The following TRPS1 variants were observed in gnomAD, a reference collection of about 807,000 sequenced individuals.
The protein encoded by TRPS1 is zinc finger transcription factor Trps1.
A neutral mutation model predicts 101.2 loss-of-function variants in TRPS1; 6 were observed. The ratio of observed to expected loss-of-function variants is 0.06; its 90% confidence interval spans 0.03 to 0.12. The LOEUF (loss-of-function observed/expected upper bound fraction) is 0.12, where lower values mean the gene tolerates loss of function less well. Ranked by LOEUF, TRPS1 falls within the 10% of genes least tolerant of loss-of-function variation. TRPS1 has a pLI of 1.00. For synonymous variants in TRPS1, 578 were observed against 589.8 expected (o/e 0.98, Z 0.29); for missense variants, 1,363 against 1,567.0 (o/e 0.87, Z 2.20).
At chr8:115,564,662 G>C (rs963891242) in intron 5 of TRPS1, among the ~76,000 whole-genome samples, 1 of 152,060 alleles carries the variant, frequency 6.6e-6, no homozygotes, top group Non-Finnish European at 1.5e-5. Flanking sequence ...TTTCTTTCCA[G>C]TTTCTGTTGC....
intron 5 of TRPS1, among the ~76,000 whole-genome samples, chr8:115,476,967 C>A (rs1411183530): frequency 1.1e-4 from 17 of 152,148 alleles, no homozygotes; most frequent in African/African-American, 4.1e-4. Context: ...ATAATTATAG[C>A]CATTATCTAA....
At chr8:115,423,143 CT>C (rs1813108970) in intron 5 of TRPS1, among the ~76,000 whole-genome samples, 1 of 152,200 alleles carries the variant, frequency 6.6e-6, no homozygotes, top group Non-Finnish European at 1.5e-5. Flanking sequence ...AAACCCAAAG[CT>C]ACATGAGGCA....
At chr8:115,540,367 T>C (rs1326670361) in intron 5 of TRPS1, among the ~76,000 whole-genome samples, 1 of 152,212 alleles carries the variant, frequency 6.6e-6, no homozygotes, top group Non-Finnish European at 1.5e-5. Flanking sequence ...GATGGATGAC[T>C]GGTGGTTGGT....
intron 5 of TRPS1, among the ~76,000 whole-genome samples, chr8:115,467,068 AT>A (rs1814340405): frequency 2.0e-5 from 3 of 152,050 alleles, no homozygotes. Flanking sequence ...CAAGGTTTGA[AT>A]TTTCTTAAAG....
At chr8:115,557,117 T>A (rs895484970) in intron 5 of TRPS1, among the ~76,000 whole-genome samples, 3 of 152,102 alleles carry the variant, frequency 2.0e-5, no homozygotes, top group African/African-American at 7.2e-5. Flanking sequence ...GAAACCCCTC[T>A]TTTTAAAACC....
intron 4 of TRPS1, among the ~76,000 whole-genome samples, chr8:115,599,579 G>C (rs1240628377): frequency 1.3e-5 from 2 of 152,130 alleles, no homozygotes; most frequent in Non-Finnish European, 2.9e-5. Context: ...ACTTATAAGT[G>C]AGAACATGCG....
intron 5 of TRPS1, among the ~76,000 whole-genome samples, chr8:115,430,466 T>TGTGTGTAC (rs1554619202): frequency 6.6e-6 from 1 of 152,020 alleles, no homozygotes; most frequent in Non-Finnish European, 1.5e-5. Flanking sequence ...TGTGTGTGTG[T>TGTGTGTAC]ACACATACAA....
At chr8:115,447,671 ATT>A (rs1813771394) in intron 5 of TRPS1, among the ~76,000 whole-genome samples, 1 of 140,362 alleles carries the variant, frequency 7.1e-6, no homozygotes, top group Non-Finnish European at 1.6e-5. Flanking sequence ...AGAATGTCAT[ATT>A]TTTATATATA....
intron 4 of TRPS1, among the ~76,000 whole-genome samples, chr8:115,591,611 G>A (rs1369311641): frequency 6.6e-6 from 1 of 152,162 alleles, no homozygotes; most frequent in Non-Finnish European, 1.5e-5. Flanking sequence ...TCATCCTGGA[G>A]AGGACCTCGT....
chr8:115,463,413 C>T (rs1345183426), intron 5 of TRPS1, among the ~76,000 whole-genome samples: 1 of 152,154 alleles, frequency 6.6e-6, no homozygotes, highest in Non-Finnish European at 1.5e-5. Flanking sequence ...AATGCAATGT[C>T]TTTTGCCACT....
chr8:115,461,535 C>T (rs1330967901), intron 5 of TRPS1, among the ~76,000 whole-genome samples: 1 of 152,162 alleles, frequency 6.6e-6, no homozygotes, highest in Non-Finnish European at 1.5e-5. Context: ...CCAGCAACAA[C>T]TAAATTTCCT....
At chr8:115,547,105 A>T (rs1234037526) in intron 5 of TRPS1, among the ~76,000 whole-genome samples, 1 of 152,238 alleles carries the variant, frequency 6.6e-6, no homozygotes, top group East Asian at 1.9e-4. Flanking sequence ...AATTATATTA[A>T]GAAATATATC....
intron 5 of TRPS1, among the ~76,000 whole-genome samples, chr8:115,561,715 A>G (rs1477695144): frequency 6.6e-6 from 1 of 152,048 alleles, no homozygotes. Context: ...GGCTCCAGTC[A>G]TGCACAGCTA....
chr8:115,578,387 C>T (rs930360768), intron 5 of TRPS1, among the ~76,000 whole-genome samples: 4 of 151,980 alleles, frequency 2.6e-5, no homozygotes, highest in African/African-American at 2.4e-5. Context: ...ATTTAAATAA[C>T]TGGAAATATA....
intron 6 of TRPS1, among the ~76,000 whole-genome samples, chr8:115,416,047 T>A (rs2129756955): frequency 6.6e-6 from 1 of 152,252 alleles, no homozygotes; most frequent in East Asian, 1.9e-4. Flanking sequence ...ATATTTGTGA[T>A]CTAAGATTTT....
intron 5 of TRPS1, among the ~76,000 whole-genome samples, chr8:115,539,263 GGGTTTCAAAGAAA>G (rs1330781499): frequency 1.3e-5 from 2 of 152,110 alleles, no homozygotes; most frequent in Non-Finnish European, 2.9e-5. Flanking sequence ...GTAGCAACAA[GGGTTTCAAAGAAA>G]GGTTAGCGGT....
At chr8:115,526,384 CA>C (rs1401628406) in intron 5 of TRPS1, among the ~76,000 whole-genome samples, 2 of 152,114 alleles carry the variant, frequency 1.3e-5, no homozygotes, top group East Asian at 3.9e-4. Flanking sequence ...AGAATGGACT[CA>C]ACATGGGTCT....
chr8:115,452,441 T>C (rs1233045296), intron 5 of TRPS1, among the ~76,000 whole-genome samples: 2 of 152,218 alleles, frequency 1.3e-5, no homozygotes, highest in Non-Finnish European at 2.9e-5. Context: ...ATATATTATG[T>C]ATTATATATT....
chr8:115,424,048 G>A (rs1188825617), intron 5 of TRPS1, among the ~76,000 whole-genome samples: 2 of 152,104 alleles, frequency 1.3e-5, no homozygotes, highest in African/African-American at 4.8e-5. Flanking sequence ...GTTTCCATTG[G>A]TGAAGGAATT....
Sources: gnomAD v4.1 joint callset for allele counts (sites outside exome capture counted in the v4.1 genomes callset) on GRCh38, gnomAD v4.1.1 for gene constraint, MANE v1.5 for transcripts, NCBI Gene and HGNC (gene_info 2026-07-23, HGNC 2026-07-21) for gene names.